The following UBASH3B variants were observed in gnomAD, a reference collection of about 807,000 sequenced individuals.
UBASH3B encodes the protein ubiquitin-associated and SH3 domain-containing protein B.
In UBASH3B, 37 loss-of-function variants were observed where a neutral mutation model predicts 83.4. That is an observed-to-expected ratio of 0.44 (90% confidence interval 0.34 to 0.58). The LOEUF is 0.58. UBASH3B is among the 20% of genes least tolerant of loss of function. The pLI is 0.01. For missense variants in UBASH3B, 657 were observed against 827.2 expected (o/e 0.79, Z 2.52); for synonymous variants, 304 against 318.3 (o/e 0.96, Z 0.48).
At chr11:122,772,468 A>G (rs1176877522) in intron 1 of UBASH3B, among the ~76,000 whole-genome samples, 1 of 151,934 alleles carries the variant, frequency 6.6e-6, no homozygotes, top group Non-Finnish European at 1.5e-5. Context: ...AAGGGAGAGG[A>G]GGGAGGGAAA....
intron 1 of UBASH3B, among the ~76,000 whole-genome samples, chr11:122,701,062 C>G (rs1184420338): frequency 6.6e-6 from 1 of 152,206 alleles, no homozygotes; most frequent in Non-Finnish European, 1.5e-5. Context: ...AAATTCCCAA[C>G]CCCCAGCATT....
At chr11:122,744,957 G>C (rs374878099) in intron 1 of UBASH3B, among the ~76,000 whole-genome samples, 1 of 151,098 alleles carries the variant, frequency 6.6e-6, no homozygotes, top group Non-Finnish European at 1.5e-5. Flanking sequence ...AAGGGCAGCT[G>C]AGGCAGAGGA....
At chr11:122,674,473 C>T (rs1261332528) in intron 1 of UBASH3B, among the ~76,000 whole-genome samples, 1 of 150,698 alleles carries the variant, frequency 6.6e-6, no homozygotes. Flanking sequence ...CTCCGCCTCC[C>T]CGGTTCACGC....
At chr11:122,697,093 A>C (rs925316772) in intron 1 of UBASH3B, among the ~76,000 whole-genome samples, 4 of 152,150 alleles carry the variant, frequency 2.6e-5, no homozygotes, top group African/African-American at 9.7e-5. Flanking sequence ...TTTGATTTTG[A>C]AGATTAGGGT....
chr11:122,675,973 A>T (rs977007242), intron 1 of UBASH3B, among the ~76,000 whole-genome samples: 6 of 152,190 alleles, frequency 3.9e-5, no homozygotes, highest in African/African-American at 1.4e-4. Context: ...CCATTTTACA[A>T]ATGAGAAAAG....
At chr11:122,796,396 T>G in intron 8 of UBASH3B, 120 bp downstream of exon 8, 1 of 1,451,498 alleles carries the variant, frequency 6.9e-7, no homozygotes, top group Non-Finnish European at 9.3e-7. Context: ...AGAAGATGTC[T>G]GTCATGTGTA....
intron 1 of UBASH3B, among the ~76,000 whole-genome samples, chr11:122,739,519 G>C (rs188070630): frequency 6.6e-6 from 1 of 152,104 alleles, no homozygotes; most frequent in Non-Finnish European, 1.5e-5. Flanking sequence ...TTCTTCTCAC[G>C]CTCTATCCTC....
At chr11:122,773,841 T>C (rs537201722) in intron 1 of UBASH3B, among the ~76,000 whole-genome samples, 18 of 152,182 alleles carry the variant, frequency 1.2e-4, no homozygotes, top group Non-Finnish European at 2.4e-4. Flanking sequence ...ATAAATTAAA[T>C]TTCACTCGGA....
In UBASH3B at chr11:122,656,217, G is replaced by A; in HGVS notation, c.161+7G>A. On this transcript the variant is annotated splice_region_variant and intron_variant, in intron 1 of 13. Coordinates refer to ENST00000284273, the MANE Select transcript of UBASH3B (RefSeq NM_032873.5). ...GGTTCCCCAGAGCCCGCGCGTAAGT[G>A]GCCGGGCTCGCAGCCCTCGGCGACC... is the stretch of plus-strand genomic sequence containing the variant. The A allele has an allele frequency of 6.9e-7, 1 of 1,446,926 alleles. No homozygotes were observed. Among genetic ancestry groups the A allele is most frequent in the African/African-American group, 1.5e-5 (1 of 67,932 alleles). The allele number at this position is 1,446,926 out of a possible 1,614,324, so 89.6% of individuals were successfully genotyped here. A position where few individuals can be genotyped will look rare whatever the true frequency, so the allele number is the denominator to read the frequency against.
chr11:122,760,578 G>C (rs1861354719), intron 1 of UBASH3B, among the ~76,000 whole-genome samples: 1 of 152,150 alleles, frequency 6.6e-6, no homozygotes, highest in African/African-American at 2.4e-5. Context: ...GGCTAGGCTG[G>C]TCTTGAACTC....
chr11:122,656,432 G>A (rs914330516), intron 1 of UBASH3B, among the ~76,000 whole-genome samples: 10 of 152,096 alleles, frequency 6.6e-5, no homozygotes, highest in African/African-American at 2.4e-4. Flanking sequence ...AGGGCTCGCC[G>A]TGGGATGCCT....
intron 6 of UBASH3B, among the ~76,000 whole-genome samples, chr11:122,791,245 C>G (rs887300448): frequency 7.2e-5 from 11 of 152,224 alleles, no homozygotes; most frequent in South Asian, 6.2e-4. Context: ...GAATTTGAGA[C>G]TGGATTCCAA....
At chr11:122,679,978 C>T (rs2135908069) in intron 1 of UBASH3B, among the ~76,000 whole-genome samples, 1 of 151,914 alleles carries the variant, frequency 6.6e-6, no homozygotes, top group African/African-American at 2.4e-5. Context: ...TTACAGGCAC[C>T]CACCACCACA....
At chr11:122,771,785 AC>A (rs1860650297) in intron 1 of UBASH3B, among the ~76,000 whole-genome samples, 1 of 143,148 alleles carries the variant, frequency 7.0e-6, no homozygotes, top group African/African-American at 2.6e-5. Context: ...ACACACACAC[AC>A]ACACTAAAAT....
chr11:122,730,779 G>C (rs1462091959), intron 1 of UBASH3B, among the ~76,000 whole-genome samples: 2 of 152,156 alleles, frequency 1.3e-5, no homozygotes, highest in South Asian at 2.1e-4. Context: ...ATTTTTAGTA[G>C]AGGCGGGATT....
intron 1 of UBASH3B, among the ~76,000 whole-genome samples, chr11:122,753,775 G>A (rs960606132): frequency 1.3e-5 from 2 of 151,986 alleles, no homozygotes; most frequent in African/African-American, 2.4e-5. Flanking sequence ...GATTACAGGC[G>A]TGAGCCACCG....
At chr11:122,805,963 AT>A (rs1279364103) in intron 11 of UBASH3B, among the ~76,000 whole-genome samples, 1 of 152,354 alleles carries the variant, frequency 6.6e-6, no homozygotes, top group Admixed American at 6.5e-5. Flanking sequence ...GACTGGTGAA[AT>A]TTGATAAACT....
chr11:122,668,326 G>A (rs756524697), intron 1 of UBASH3B, among the ~76,000 whole-genome samples: 4 of 152,140 alleles, frequency 2.6e-5, no homozygotes, highest in African/African-American at 4.8e-5. Flanking sequence ...CTGTTTTCTG[G>A]AAGAATGGGA....
chr11:122,663,469 C>T (rs1863473709), intron 1 of UBASH3B, among the ~76,000 whole-genome samples: 1 of 152,310 alleles, frequency 6.6e-6, no homozygotes, highest in Middle Eastern at 3.4e-3. Context: ...CTTTGATCAC[C>T]ACCTGCTCCC....
Sources: allele counts gnomAD v4.1 joint callset (sites outside exome capture counted in the v4.1 genomes callset), GRCh38; gene constraint gnomAD v4.1.1; transcripts MANE v1.5; gene names NCBI Gene and HGNC (gene_info 2026-07-23, HGNC 2026-07-21).